PRDM16: variants seen among roughly 807,000 people sequenced by gnomAD.
PRDM16 encodes the protein PR/SET domain 16.
In PRDM16, 23 loss-of-function variants were observed where a neutral mutation model predicts 110.6. The observed-to-expected ratio is 0.21, with a 90% confidence interval of 0.15 to 0.29. The LOEUF (loss-of-function observed/expected upper bound fraction) is 0.29. Ranked by LOEUF, PRDM16 falls within the 10% of genes least tolerant of loss-of-function variation. The probability of loss-of-function intolerance (pLI) is 1.00; values close to 1 mark genes in which losing one functional copy is unlikely to be tolerated. For synonymous variants in PRDM16, 799 were observed against 781.8 expected, an observed-to-expected ratio of 1.02 and a Z score of -0.37; for missense variants, 1,615 against 1,794.3, an observed-to-expected ratio of 0.90 and a Z score of 1.81.
intron 3 of PRDM16, among the ~76,000 whole-genome samples, chr1:3,373,744 G>C (rs1642946088): frequency 6.6e-6 from 1 of 152,198 alleles, no homozygotes; most frequent in Non-Finnish European, 1.5e-5. Flanking sequence ...ACTCCAGCCT[G>C]CACCTCCGTG....
chr1:3,350,934 G>T lies in PRDM16; in HGVS notation c.439-34218G>T, dbSNP rs527684253. ...GACTTGGGGATTCACTTCAGCTCTC[G>T]CTTTATTATGGAGCCTGGGAGAAAA... On this transcript the variant is annotated intron_variant, in intron 3 of 16. Coordinates refer to ENST00000270722, the MANE Select transcript of PRDM16 (RefSeq NM_022114.4). This position sits in a 1 kb window ranked among gnomAD's most constrained non-coding sequence, Gnocchi z 7.1. Among the ~76,000 whole-genome samples the T allele has an allele frequency of 1.3e-5, 2 of 152,180 alleles. No individual in the cohort carries two copies. Among genetic ancestry groups the T allele is most frequent in the Non-Finnish European group, 2.9e-5 (2 of 68,034 alleles).
chr1:3,188,013 G>T (rs577319169), intron 2 of PRDM16, among the ~76,000 whole-genome samples: 3 of 152,330 alleles, frequency 2.0e-5, no homozygotes, highest in Non-Finnish European at 4.4e-5. Context: ...ACTGGCCAGG[G>T]CCAGGGGCCC....
intron 3 of PRDM16, 61 bp from the exon 4 acceptor site, chr1:3,385,091 C>A: frequency 3.1e-6 from 5 of 1,598,958 alleles, no homozygotes; most frequent in Non-Finnish European, 4.3e-6. Context: ...TGGGCAGAGG[C>A]TGTGTGCAGA....
At chr1:3,177,622 G>A (rs538943835) in intron 1 of PRDM16, among the ~76,000 whole-genome samples, 1 of 152,342 alleles carries the variant, frequency 6.6e-6, no homozygotes, top group Admixed American at 6.5e-5. Flanking sequence ...CAGTCCCCAG[G>A]AGAGCGAGCC....
Position 3,339,524 on chromosome 1 carries a change from A to G in PRDM16, c.439-45628A>G, listed in dbSNP as rs577052610. On this transcript the variant is annotated intron_variant, in intron 3 of 16. Transcript: ENST00000270722. The surrounding 1 kb of genome is among the most constrained non-coding windows in gnomAD (Gnocchi z 5.0). ...TTAGGCTGGGATTTCAAGAGCAACA[A>G]AGCTTTGTTGCCCACCGAGCGATTC... Among the ~76,000 whole-genome samples the G allele has an allele frequency of 1.8e-3, 275 of 152,128 alleles. No individual in the cohort carries two copies. The highest frequency in any genetic ancestry group is 6.1e-3 in the African/African-American group (252 of 41,508).
Position 3,404,868 on chromosome 1 carries a change from A to G in PRDM16, c.1014A>G (p.Glu338=), listed in dbSNP as rs1557656112. 6.2e-7 allele frequency: 1 copy of G among 1,613,196 alleles called. No individual in the cohort carries two copies. Among genetic ancestry groups the G allele is most frequent in the East Asian group, 2.2e-5 (1 of 44,874 alleles). ...CCCACGACAGCGGCAAACGCTTCGA[A>G]TGTGAAAACTGCGTGAAGGTAACCT... ...QMSHDSGKRF[E]CENCVKVFTD... The change falls in exon 7 of 17, where the codon GAA becomes GAG. Residue 338 remains glutamate (E), a synonymous_variant. Transcript: ENST00000270722.
chr1:3,335,639 A>C (rs1388113334), intron 3 of PRDM16, among the ~76,000 whole-genome samples: 1 of 143,692 alleles, frequency 7.0e-6, no homozygotes, highest in African/African-American at 2.5e-5. Flanking sequence ...ACACACACAC[A>C]CACCCTTGGA....
At chr1:3,132,004 T>TA (rs1421019933) in intron 1 of PRDM16, among the ~76,000 whole-genome samples, 2 of 152,246 alleles carry the variant, frequency 1.3e-5, no homozygotes, top group African/African-American at 4.8e-5. Flanking sequence ...TTAGTTTTTT[T>TA]AAAAAACCCA....
chr1:3,142,657 G>A (rs1173891226), intron 1 of PRDM16, among the ~76,000 whole-genome samples: 1 of 152,212 alleles, frequency 6.6e-6, no homozygotes, highest in Non-Finnish European at 1.5e-5. Context: ...GGTGCGCACA[G>A]GCAACGGAAC....
At chr1:3,327,118 G>A (rs768873044) in intron 3 of PRDM16, among the ~76,000 whole-genome samples, 8 of 152,260 alleles carry the variant, frequency 5.3e-5, no homozygotes, top group Non-Finnish European at 5.9e-5. Flanking sequence ...ATTGGGAAGT[G>A]GAAACACTTT....
intron 2 of PRDM16, among the ~76,000 whole-genome samples, chr1:3,232,071 C>T (rs183728164): frequency 1.0e-3 from 152 of 152,340 alleles, no homozygotes; most frequent in African/African-American, 3.5e-3. Context: ...GTCTCGAGTT[C>T]GCAGGCAGCT....
intron 3 of PRDM16, among the ~76,000 whole-genome samples, chr1:3,313,614 G>A (rs1017790806): frequency 1.3e-5 from 2 of 152,220 alleles, no homozygotes; most frequent in Non-Finnish European, 2.9e-5. Flanking sequence ...CCCCTCACCT[G>A]CGCCTGCGAG....
chr1:3,235,208 CGGAAGCTCTG>C (rs1157874754), intron 2 of PRDM16, among the ~76,000 whole-genome samples: 1 of 152,230 alleles, frequency 6.6e-6, no homozygotes, highest in African/African-American at 2.4e-5. Context: ...CCCAGGCCCT[CGGAAGCTCTG>C]AGACCAGCTC....
chr1:3,270,621 T>G (rs3002687), intron 3 of PRDM16, among the ~76,000 whole-genome samples: 53,307 of 123,720 alleles, frequency 0.43, 14,279 homozygotes, highest in African/African-American at 0.79. Context: ...CAGTCCTGGA[T>G]GAGGACAGTT....
At chr1:3,314,556 G>A (rs1237282878) in intron 3 of PRDM16, among the ~76,000 whole-genome samples, 1 of 152,000 alleles carries the variant, frequency 6.6e-6, no homozygotes, top group African/African-American at 2.4e-5. Context: ...TCTGCCAAAT[G>A]TGTGTGAGCG....
intron 3 of PRDM16, among the ~76,000 whole-genome samples, chr1:3,285,540 TGCTC>T (rs1054198237): frequency 1.3e-5 from 2 of 152,096 alleles, no homozygotes; most frequent in Non-Finnish European, 2.9e-5. Flanking sequence ...AGCTGTGACA[TGCTC>T]GCTCGGGAGC....
intron 1 of PRDM16, among the ~76,000 whole-genome samples, chr1:3,071,527 C>T (rs1429342934): frequency 6.6e-6 from 1 of 152,270 alleles, no homozygotes; most frequent in Non-Finnish European, 1.5e-5. Flanking sequence ...CCCAGGCCCC[C>T]CAAGGTGGCT....
At chr1:3,221,327 C>G (rs921761579) in intron 2 of PRDM16, among the ~76,000 whole-genome samples, 12 of 152,220 alleles carry the variant, frequency 7.9e-5, no homozygotes, top group African/African-American at 1.9e-4. Flanking sequence ...AGTCATGAGC[C>G]TCTCTGAGCC....
chr1:3,328,454 C>T (rs539801695), intron 3 of PRDM16, among the ~76,000 whole-genome samples: 15 of 152,224 alleles, frequency 9.9e-5, no homozygotes, highest in African/African-American at 3.4e-4. Flanking sequence ...GCAGCATGCG[C>T]GGAGCTTTCG....
Sources: gnomAD v4.1 joint callset for allele counts (sites outside exome capture counted in the v4.1 genomes callset) on GRCh38, gnomAD v4.1.1 for gene constraint, Gnocchi (gnomAD v3.1) non-coding constraint, MANE v1.5 for transcripts, NCBI Gene and HGNC (gene_info 2026-07-23, HGNC 2026-07-21) for gene names.